The following TRPC7 variants were observed in gnomAD, a reference collection of about 807,000 sequenced individuals.
The protein encoded by TRPC7 is short transient receptor potential channel 7.
A neutral mutation model predicts 90.1 loss-of-function variants in TRPC7; 42 were observed. The ratio of observed to expected loss-of-function variants is 0.47; its 90% confidence interval spans 0.36 to 0.60. TRPC7 has a LOEUF of 0.60. TRPC7 is among the 20% of genes least tolerant of loss of function. TRPC7 has a pLI of 0.00. For synonymous variants in TRPC7, 451 were observed against 436.3 expected, an observed-to-expected ratio of 1.03 and a Z score of -0.42; for missense variants, 955 against 1,112.3, an observed-to-expected ratio of 0.86 and a Z score of 2.01.
At chr5:136,215,747 C>T (rs1217555319) in intron 11 of TRPC7, among the ~76,000 whole-genome samples, 2 of 149,888 alleles carry the variant, frequency 1.3e-5, no homozygotes, top group Non-Finnish European at 2.9e-5. Context: ...CACTTGAACC[C>T]AGGAGGCAGA....
At chr5:136,338,768 G>A (rs1428359044) in intron 2 of TRPC7, among the ~76,000 whole-genome samples, 1 of 152,090 alleles carries the variant, frequency 6.6e-6, no homozygotes, top group East Asian at 1.9e-4. Flanking sequence ...GGCATTAAAT[G>A]GGACCCTATC....
intron 2 of TRPC7, among the ~76,000 whole-genome samples, chr5:136,343,566 A>G (rs1759910842): frequency 6.6e-6 from 1 of 152,190 alleles, no homozygotes; most frequent in Non-Finnish European, 1.5e-5. Flanking sequence ...GTCTAATCAC[A>G]TTTTTACATG....
chr5:136,242,216 G>A (rs1313120253), intron 7 of TRPC7, among the ~76,000 whole-genome samples: 2 of 152,108 alleles, frequency 1.3e-5, no homozygotes, highest in African/African-American at 4.8e-5. Flanking sequence ...GGGATACTTC[G>A]ATTTTGTACT....
At chr5:136,302,803 G>A (rs1031999364) in intron 3 of TRPC7, among the ~76,000 whole-genome samples, 10 of 152,040 alleles carry the variant, frequency 6.6e-5, no homozygotes, top group Non-Finnish European at 1.2e-4. Flanking sequence ...GGTGCCTGAC[G>A]TCCAGGCATT....
chr5:136,306,016 CA>C (rs1758614077), intron 3 of TRPC7, among the ~76,000 whole-genome samples: 1 of 152,034 alleles, frequency 6.6e-6, no homozygotes, highest in Non-Finnish European at 1.5e-5. Flanking sequence ...GACTGTGCCC[CA>C]AAAAAACTTG....
chr5:136,347,204 T>C (rs145848413), intron 2 of TRPC7, among the ~76,000 whole-genome samples: 3 of 152,312 alleles, frequency 2.0e-5, no homozygotes, highest in African/African-American at 4.8e-5. Flanking sequence ...TAAGGTTCTG[T>C]GGTTTTAAGT....
intron 4 of TRPC7, 47 bp downstream of exon 4, chr5:136,274,626 G>A (rs373100221): frequency 6.6e-7 from 1 of 1,523,712 alleles, no homozygotes. Flanking sequence ...ATGCTAAGAA[G>A]AGAGAAGAAA....
At chr5:136,357,801 G>T (rs1760439194) in intron 1 of TRPC7, among the ~76,000 whole-genome samples, 1 of 152,136 alleles carries the variant, frequency 6.6e-6, no homozygotes, top group African/African-American at 2.4e-5. Context: ...GTACAATGTG[G>T]ATAACTTACA....
At chr5:136,313,344 T>C (rs537935398) in intron 3 of TRPC7, among the ~76,000 whole-genome samples, 1 of 152,194 alleles carries the variant, frequency 6.6e-6, no homozygotes, top group African/African-American at 2.4e-5. Context: ...TTTTATAGTT[T>C]TATATTCAAG....
At chr5:136,218,681 C>T (rs1404061539) in intron 10 of TRPC7, among the ~76,000 whole-genome samples, 1 of 152,190 alleles carries the variant, frequency 6.6e-6, no homozygotes, top group East Asian at 1.9e-4. Flanking sequence ...ATGTGCCCCT[C>T]AAACTCTATT....
intron 5 of TRPC7, among the ~76,000 whole-genome samples, chr5:136,254,990 G>C (rs1241995895): frequency 6.6e-6 from 1 of 152,198 alleles, no homozygotes; most frequent in Non-Finnish European, 1.5e-5. Flanking sequence ...AAGAGAACTA[G>C]AATTAGAAGT....
chr5:136,315,930 G>A, intron 2 of TRPC7, 151 bp from the exon 3 acceptor site: 1 of 740,488 alleles, frequency 1.4e-6, no homozygotes, highest in Non-Finnish European at 2.2e-6. Context: ...GATGTGCTGG[G>A]TGCAGAAGGC....
At chr5:136,327,306 G>A (rs1346547782) in intron 2 of TRPC7, among the ~76,000 whole-genome samples, 1 of 152,160 alleles carries the variant, frequency 6.6e-6, no homozygotes, top group Admixed American at 6.5e-5. Context: ...AGGAGAGAAA[G>A]GAGAAGAAGA....
At chr5:136,307,584 A>C (rs1212960648) in intron 3 of TRPC7, among the ~76,000 whole-genome samples, 1 of 152,240 alleles carries the variant, frequency 6.6e-6, no homozygotes, top group Non-Finnish European at 1.5e-5. Flanking sequence ...AAAACAGCCA[A>C]GAGGTTCTCA....
chr5:136,346,716 G>A (rs2149855558), intron 2 of TRPC7, among the ~76,000 whole-genome samples: 1 of 152,242 alleles, frequency 6.6e-6, no homozygotes, highest in South Asian at 2.1e-4. Flanking sequence ...TATGACCCAT[G>A]GTATGACTCA....
At chr5:136,323,420 T>C (rs1580954996) in intron 2 of TRPC7, among the ~76,000 whole-genome samples, 1 of 152,216 alleles carries the variant, frequency 6.6e-6, no homozygotes, top group Admixed American at 6.5e-5. Flanking sequence ...TAATGCAAGG[T>C]CATAAATGTG....
At chr5:136,328,847 G>T (rs1759417880) in intron 2 of TRPC7, among the ~76,000 whole-genome samples, 1 of 152,218 alleles carries the variant, frequency 6.6e-6, no homozygotes, top group Non-Finnish European at 1.5e-5. Flanking sequence ...CTCCTCATTG[G>T]ATTTATTTCC....
At chr5:136,319,562 A>G (rs550631134) in intron 2 of TRPC7, among the ~76,000 whole-genome samples, 1 of 152,284 alleles carries the variant, frequency 6.6e-6, no homozygotes, top group African/African-American at 2.4e-5. Flanking sequence ...AGGGTTGTCT[A>G]CATTCATGTC....
At position 136,357,392 on chromosome 5, in the gene TRPC7, G is replaced by C. The variant is rs768402246; in HGVS notation, c.3-7C>G. The stretch of plus-strand genomic sequence containing the variant: ...GAAGGTGCTGTTCCTCAACCTATGG[G>C]ACAAGGCAAAGATGCCCTGTTACTT... On this transcript the variant is annotated splice_polypyrimidine_tract_variant and splice_region_variant and intron_variant, in intron 1 of 11. Coordinates refer to ENST00000513104, the MANE Select transcript of TRPC7 (RefSeq NM_020389.3). The C allele has an allele frequency of 6.3e-7, 1 of 1,581,612 alleles. No homozygotes were observed. Among genetic ancestry groups the C allele is most frequent in the Admixed American group, 1.7e-5 (1 of 58,810 alleles).
Sources: allele counts gnomAD v4.1 joint callset (sites outside exome capture counted in the v4.1 genomes callset), GRCh38; gene constraint gnomAD v4.1.1; transcripts MANE v1.5; gene names NCBI Gene and HGNC (gene_info 2026-07-23, HGNC 2026-07-21).